Variants in SCD5 observed in about 807,000 individuals in gnomAD.
SCD5 encodes stearoyl-CoA desaturase 5, also known as acyl-CoA-desaturase 4.
Under a neutral mutation model 30.4 loss-of-function variants are expected in SCD5, and 20 were observed. The observed-to-expected ratio is 0.66, with a 90% CI of 0.46 to 0.96. SCD5 has a LOEUF of 0.96. SCD5 is among the 40% of genes least tolerant of loss of function. SCD5 has a pLI of 0.00. For synonymous variants in SCD5, 173 were observed against 176.4 expected, an observed-to-expected ratio of 0.98 and a Z score of 0.16; for missense variants, 381 against 443.3, an observed-to-expected ratio of 0.86 and a Z score of 1.26.
At chr4:82,784,947 T>A (rs1267807384) in intron 1 of SCD5, among the ~76,000 whole-genome samples, 1 of 152,190 alleles carries the variant, frequency 6.6e-6, no homozygotes, top group Non-Finnish European at 1.5e-5. Context: ...TATTCACTAT[T>A]TCAACATTTT....
chr4:82,642,328 A>C (rs1727562391), intron 3 of SCD5, among the ~76,000 whole-genome samples: 1 of 152,208 alleles, frequency 6.6e-6, no homozygotes, highest in Non-Finnish European at 1.5e-5. Flanking sequence ...CATGGCACAC[A>C]GAGAGGGAAA....
intron 1 of SCD5, among the ~76,000 whole-genome samples, chr4:82,789,838 T>C (rs745815541): frequency 6.6e-6 from 1 of 152,116 alleles, no homozygotes; most frequent in Non-Finnish European, 1.5e-5. Context: ...TCTCCACACA[T>C]GTACCTTTTA....
intron 1 of SCD5, among the ~76,000 whole-genome samples, chr4:82,772,723 G>A (rs148331882): frequency 2.0e-5 from 3 of 152,304 alleles, no homozygotes; most frequent in East Asian, 1.9e-4. Context: ...GACCCCATGC[G>A]CCCTAGGTGG....
At chr4:82,676,926 CT>C (rs1027649448) in intron 3 of SCD5, among the ~76,000 whole-genome samples, 10 of 152,360 alleles carry the variant, frequency 6.6e-5, no homozygotes, top group Admixed American at 5.9e-4. Flanking sequence ...GTAAGATTAT[CT>C]TTTAGGGTCT....
At chr4:82,785,262 T>C (rs1721962371) in intron 1 of SCD5, among the ~76,000 whole-genome samples, 1 of 152,198 alleles carries the variant, frequency 6.6e-6, no homozygotes, top group Non-Finnish European at 1.5e-5. Flanking sequence ...GCCCTCCCCT[T>C]ATTTGCCTAA....
chr4:82,759,017 G>A (rs1721290276), intron 1 of SCD5, among the ~76,000 whole-genome samples: 2 of 152,236 alleles, frequency 1.3e-5, no homozygotes, highest in Admixed American at 6.5e-5. Flanking sequence ...GGCAACTGCT[G>A]CGCGGGTCCC....
chr4:82,790,893 C>A (rs1036032414), intron 1 of SCD5, among the ~76,000 whole-genome samples: 2 of 152,118 alleles, frequency 1.3e-5, no homozygotes, highest in African/African-American at 2.4e-5. Context: ...ATTTTAATCA[C>A]CACCCAAGTG....
At chr4:82,734,932 T>C (rs1418526897) in intron 1 of SCD5, among the ~76,000 whole-genome samples, 3 of 151,090 alleles carry the variant, frequency 2.0e-5, no homozygotes, top group East Asian at 3.9e-4. Context: ...GCCCAGCTAA[T>C]TTTTTGTACT....
chr4:82,665,015 A>ATATATATATATATT (rs1728144743), intron 3 of SCD5, among the ~76,000 whole-genome samples: 1 of 121,236 alleles, frequency 8.2e-6, no homozygotes, highest in Admixed American at 8.7e-5. Context: ...ATATATATAT[A>ATATATATATATATT]TATATGTATA....
At chr4:82,713,075 C>T (rs1047293991) in intron 1 of SCD5, among the ~76,000 whole-genome samples, 1 of 152,194 alleles carries the variant, frequency 6.6e-6, no homozygotes, top group Admixed American at 6.5e-5. Context: ...ACTAAGCCAT[C>T]GTCTACTGTG....
chr4:82,646,825 CT>C (rs969323161), intron 3 of SCD5, among the ~76,000 whole-genome samples: 14 of 152,164 alleles, frequency 9.2e-5, no homozygotes, highest in Admixed American at 2.6e-4. Context: ...CTGGCTTTGG[CT>C]TTTTTCCCCC....
intron 3 of SCD5, among the ~76,000 whole-genome samples, chr4:82,674,652 TCCGCACAAAAAC>T (rs1463868130): frequency 1.3e-5 from 2 of 152,186 alleles, no homozygotes; most frequent in African/African-American, 4.8e-5. Flanking sequence ...AAAACCTATG[TCCGCACAAAAAC>T]CCGCACATGA....
At chr4:82,778,013 TG>T (rs202105863) in intron 1 of SCD5, among the ~76,000 whole-genome samples, 2 of 151,704 alleles carry the variant, frequency 1.3e-5, no homozygotes, top group East Asian at 3.9e-4. Context: ...GTGGTATATA[TG>T]TACCATGGAA....
At chr4:82,735,606 G>A (rs1377011295) in intron 1 of SCD5, among the ~76,000 whole-genome samples, 2 of 152,184 alleles carry the variant, frequency 1.3e-5, no homozygotes, top group Non-Finnish European at 2.9e-5. Context: ...GGTGGAAGGG[G>A]GGGCTCCTGA....
intron 1 of SCD5, among the ~76,000 whole-genome samples, chr4:82,781,750 T>C (rs1280356287): frequency 6.6e-6 from 1 of 152,214 alleles, no homozygotes; most frequent in Non-Finnish European, 1.5e-5. Context: ...AATAGGATGA[T>C]GCAACAAGAA....
At chr4:82,712,046 T>G (rs1231205812) in intron 1 of SCD5, among the ~76,000 whole-genome samples, 1 of 150,880 alleles carries the variant, frequency 6.6e-6, no homozygotes, top group Non-Finnish European at 1.5e-5. Context: ...TTAAGCACTT[T>G]ATACACAGTA....
At chr4:82,789,711 A>C (rs1722060707) in intron 1 of SCD5, among the ~76,000 whole-genome samples, 1 of 152,184 alleles carries the variant, frequency 6.6e-6, no homozygotes, top group Non-Finnish European at 1.5e-5. Context: ...CAGTAGCCCC[A>C]ACACCTGCAA....
At position 82,660,646 on chromosome 4, in the gene SCD5, C is replaced by G. The variant is rs898047583; in HGVS notation, c.569+20061G>C. Reference sequence around the variant, plus strand: ...TGCTCTAGATGTGGAAATAGAATCTCAGAGACAGAATGACAAAACTGAAAT... The same window carrying G: ...TGCTCTAGATGTGGAAATAGAATCTGAGAGACAGAATGACAAAACTGAAAT... On this transcript the variant is annotated intron_variant, in intron 3 of 4. Coordinates refer to ENST00000319540, the MANE Select transcript of SCD5 (RefSeq NM_001037582.3). The G allele has an allele frequency of 4.3e-6, 6 of 1,385,306 alleles. No individual in the cohort carries two copies. The African/African-American group carries it at 8.7e-5, about 20-fold the overall frequency. 85.8% of individuals were successfully genotyped at this position (1,385,306 alleles called of 1,614,324 possible). A position where few individuals can be genotyped will look rare whatever the true frequency, so the allele number is the denominator to read the frequency against.
At chr4:82,682,383 G>GTT (rs11369170) in intron 2 of SCD5, among the ~76,000 whole-genome samples, 3 of 151,952 alleles carry the variant, frequency 2.0e-5, no homozygotes, top group Admixed American at 6.6e-5. Context: ...ATCTACAGAC[G>GTT]TTTTTTTACA....
Sources: allele counts gnomAD v4.1 joint callset (sites outside exome capture counted in the v4.1 genomes callset), GRCh38; gene constraint gnomAD v4.1.1; transcripts MANE v1.5; gene names NCBI Gene and HGNC (gene_info 2026-07-23, HGNC 2026-07-21).